GLIS3: variants seen among roughly 807,000 people sequenced by gnomAD.
GLIS3 encodes zinc finger protein GLIS3.
A neutral mutation model predicts 78.6 loss-of-function variants in GLIS3; 53 were observed. The observed-to-expected ratio is 0.67, with a 90% CI of 0.54 to 0.85. The LOEUF is 0.85. GLIS3 is among the 40% of genes least tolerant of loss of function. The pLI is 0.00. For missense variants in GLIS3, 1,703 were observed against 1,231.1 expected, an observed-to-expected ratio of 1.38 and a Z score of -5.74; for synonymous variants, 684 against 509.9, an observed-to-expected ratio of 1.34 and a Z score of -4.60.
intron 4 of GLIS3, among the ~76,000 whole-genome samples, chr9:4,004,316 C>T (rs899912960): frequency 6.6e-6 from 1 of 152,046 alleles, no homozygotes; most frequent in Non-Finnish European, 1.5e-5. Context: ...AGAGAAGGAC[C>T]GTTCTCAGTA....
the GLIS3 span, among the ~76,000 whole-genome samples, chr9:4,445,512 T>C: frequency 1.3e-5 from 2 of 152,164 alleles, no homozygotes; most frequent in Non-Finnish European, 2.9e-5. Context: ...CACATGCCTG[T>C]AGTCCCAGCT....
chr9:4,395,762 CTTTTTTCTTTTTTTCTTTTT>C, the GLIS3 span, among the ~76,000 whole-genome samples: 3 of 138,190 alleles, frequency 2.2e-5, no homozygotes, highest in Admixed American at 6.9e-5. Flanking sequence ...TCACCATTTT[CTTTTTTCTTTTTTTCTTTTT>C]TTTTTTTTTT....
chr9:4,045,276 G>C (rs558282076), intron 4 of GLIS3, among the ~76,000 whole-genome samples: 127 of 152,220 alleles, frequency 8.3e-4, no homozygotes, highest in African/African-American at 3.0e-3. Context: ...TGGACCTTGT[G>C]GATTTCACGT....
chr9:3,886,893 G>A (rs1043562030), intron 7 of GLIS3, among the ~76,000 whole-genome samples: 4 of 152,182 alleles, frequency 2.6e-5, no homozygotes, highest in African/African-American at 9.7e-5. Flanking sequence ...TAGCCTTGCT[G>A]CCAATGAGTA....
intron 1 of GLIS3, among the ~76,000 whole-genome samples, chr9:4,294,448 G>A (rs944017232): frequency 8.6e-5 from 13 of 152,018 alleles, no homozygotes; most frequent in African/African-American, 2.9e-4. Context: ...GGGGGAGGTT[G>A]CAGTAAGCCA....
intron 2 of GLIS3, among the ~76,000 whole-genome samples, chr9:4,310,699 C>G (rs933923573): frequency 6.6e-6 from 1 of 152,136 alleles, no homozygotes; most frequent in Non-Finnish European, 1.5e-5. Context: ...CACCAAGGAC[C>G]TCCTACAATG....
intron 4 of GLIS3, among the ~76,000 whole-genome samples, chr9:4,306,532 C>T (rs1817232720): frequency 6.6e-6 from 1 of 152,114 alleles, no homozygotes; most frequent in South Asian, 2.1e-4. Flanking sequence ...CAAATGTTGC[C>T]CCAGAATTCA....
intron 2 of GLIS3, among the ~76,000 whole-genome samples, chr9:4,133,855 CA>C (rs1564098411): frequency 3.8e-4 from 37 of 97,666 alleles, no homozygotes; most frequent in African/African-American, 1.1e-3. Flanking sequence ...CACACACACA[CA>C]CACACACACA....
At chr9:4,314,492 G>C (rs956776006) in intron 2 of GLIS3, among the ~76,000 whole-genome samples, 1 of 152,284 alleles carries the variant, frequency 6.6e-6, no homozygotes, top group East Asian at 1.9e-4. Flanking sequence ...TTCCATTTAA[G>C]GCAGTCTAGA....
At chr9:4,435,527 G>C in the GLIS3 span, among the ~76,000 whole-genome samples, 1 of 152,130 alleles carries the variant, frequency 6.6e-6, no homozygotes, top group Non-Finnish European at 1.5e-5. Context: ...ATTTTACAAA[G>C]GTCCTTTGAT....
At chr9:4,488,347 A>G in the GLIS3 span, among the ~76,000 whole-genome samples, 1 of 152,182 alleles carries the variant, frequency 6.6e-6, no homozygotes, top group Non-Finnish European at 1.5e-5. Context: ...GATTTATAAC[A>G]TGTGCCATCC....
At chr9:4,375,926 C>T in the GLIS3 span, among the ~76,000 whole-genome samples, 1 of 152,200 alleles carries the variant, frequency 6.6e-6, no homozygotes, top group East Asian at 1.9e-4. Flanking sequence ...GTTTCTAGTG[C>T]CAGCTACACG....
At chr9:3,994,785 C>T (rs771383024) in intron 4 of GLIS3, among the ~76,000 whole-genome samples, 20 of 152,070 alleles carry the variant, frequency 1.3e-4, no homozygotes, top group Non-Finnish European at 2.6e-4. Context: ...TGAAATGTTC[C>T]GAGAAACCAC....
chr9:4,005,058 G>T (rs146737590), intron 4 of GLIS3, among the ~76,000 whole-genome samples: 2,605 of 152,228 alleles, frequency 0.017, 35 homozygotes, highest in South Asian at 0.038. Flanking sequence ...TCTCCATTCT[G>T]TTCTGAACTG....
chr9:4,049,557 C>G (rs1177324347), intron 4 of GLIS3, among the ~76,000 whole-genome samples: 1 of 152,112 alleles, frequency 6.6e-6, no homozygotes, highest in Non-Finnish European at 1.5e-5. Flanking sequence ...TTCCTTCATT[C>G]TCTTTCATAC....
intron 4 of GLIS3, among the ~76,000 whole-genome samples, chr9:4,057,418 A>G (rs968894320): frequency 1.3e-5 from 2 of 152,206 alleles, no homozygotes; most frequent in African/African-American, 4.8e-5. Context: ...TTTTTATGCT[A>G]AAGAGCTTGA....
chr9:3,978,233 G>A (rs477024), intron 4 of GLIS3, among the ~76,000 whole-genome samples: 28,358 of 151,974 alleles, frequency 0.19, 2,865 homozygotes, highest in African/African-American at 0.25. Context: ...ACTGGGTGGG[G>A]ATAATGAAGA....
At chr9:4,250,261 G>T (rs1824233883) in intron 2 of GLIS3, among the ~76,000 whole-genome samples, 1 of 151,992 alleles carries the variant, frequency 6.6e-6, no homozygotes, top group South Asian at 2.1e-4. Flanking sequence ...GGCTTTTTTT[G>T]GTTGGTAGGC....
chr9:4,391,969 T>C, the GLIS3 span, among the ~76,000 whole-genome samples: 3 of 152,312 alleles, frequency 2.0e-5, no homozygotes, highest in East Asian at 5.8e-4. Flanking sequence ...ATTCCAGCAC[T>C]ATTCACAATA....
Sources: allele counts gnomAD v4.1 joint callset (sites outside exome capture counted in the v4.1 genomes callset), GRCh38; gene constraint gnomAD v4.1.1; transcripts MANE v1.5; gene names NCBI Gene and HGNC (gene_info 2026-07-23, HGNC 2026-07-21).